Variants in APP observed in about 807,000 individuals in gnomAD.
The protein encoded by APP is amyloid beta precursor protein, also known as amyloid-beta precursor protein.
In APP, 31 loss-of-function variants were observed where a neutral mutation model predicts 101.4. The ratio of observed to expected loss-of-function variants is 0.31; its 90% confidence interval spans 0.23 to 0.41. APP has a LOEUF of 0.41. APP is among the 10% of genes least tolerant of loss of function. The probability of loss-of-function intolerance (pLI) is 1.00; values close to 1 mark genes in which losing one functional copy is unlikely to be tolerated. For missense variants in APP, 839 were observed against 1,003.7 expected (o/e 0.84, Z 2.22); for synonymous variants, 366 against 364.4 (o/e 1.00, Z -0.05).
In APP at chr21:25,911,802, G is replaced by A. The variant is rs764559840; in HGVS notation, c.1848C>T (p.Asp616=). 35 of 1,614,028 alleles carry A rather than the reference G, an allele frequency of 2.2e-5. No homozygotes were observed. Among genetic ancestry groups the A allele is most frequent in the African/African-American group, 2.1e-4 (16 of 74,896 alleles). ...CAAAAGAATGCCACGGCTGGAGATC[G>A]TCCAGGCTGAACTCTCCATTCACGG... ...LLPVNGEFSL[D]DLQPWHSFGA... The change falls in exon 14 of 18, where the codon GAC becomes GAT. Residue 616 remains aspartate (D), a synonymous_variant. Transcript: ENST00000346798.
intron 5 of APP, among the ~76,000 whole-genome samples, chr21:26,025,740 G>C (rs1452185243): frequency 1.3e-5 from 2 of 152,226 alleles, no homozygotes; most frequent in East Asian, 3.8e-4. Flanking sequence ...ACCAGGAACG[G>C]AGACACGTAA....
At chr21:25,994,768 C>T (rs2042990234) in intron 8 of APP, among the ~76,000 whole-genome samples, 1 of 152,236 alleles carries the variant, frequency 6.6e-6, no homozygotes, top group African/African-American at 2.4e-5. Context: ...AGCTCCTTTT[C>T]TCTGAATTGA....
chr21:25,927,781 C>T (rs2039964023), intron 13 of APP, among the ~76,000 whole-genome samples: 2 of 152,172 alleles, frequency 1.3e-5, no homozygotes, highest in East Asian at 3.9e-4. Flanking sequence ...CTGGCTTAGA[C>T]TGAGGGTACA....
At chr21:26,085,101 A>G (rs1055787783) in intron 3 of APP, among the ~76,000 whole-genome samples, 3 of 152,218 alleles carry the variant, frequency 2.0e-5, no homozygotes, top group Non-Finnish European at 4.4e-5. Flanking sequence ...TTGGGAGATA[A>G]ACACTGATAA....
intron 12 of APP, 82 bp from the exon 13 acceptor site, chr21:25,954,771 T>C (rs1370879356): frequency 7.0e-6 from 9 of 1,277,486 alleles, no homozygotes; most frequent in South Asian, 1.3e-5. Flanking sequence ...TCTTTTTTTT[T>C]TGAGACGGAG....
At chr21:25,981,647 T>A (rs2042432843) in intron 9 of APP, among the ~76,000 whole-genome samples, 1 of 150,432 alleles carries the variant, frequency 6.6e-6, no homozygotes, top group South Asian at 2.1e-4. Flanking sequence ...GTTTTAGACA[T>A]AAGTTATTTT....
intron 13 of APP, among the ~76,000 whole-genome samples, chr21:25,950,393 T>G (rs868421379): frequency 0.04 from 5,995 of 151,210 alleles, 385 homozygotes; most frequent in African/African-American, 0.14. Context: ...TTTTTTTTTT[T>G]TTTGGAGACG....
chr21:26,090,224 C>T (rs1882263853), intron 2 of APP, 152 bp from the exon 3 acceptor site: 1 of 1,216,208 alleles, frequency 8.2e-7, no homozygotes, highest in South Asian at 1.4e-5. Context: ...CTGACTTTTT[C>T]CGATTTTAGA....
intron 3 of APP, among the ~76,000 whole-genome samples, chr21:26,084,317 C>T (rs2061660458): frequency 6.8e-6 from 1 of 146,476 alleles, no homozygotes; most frequent in Non-Finnish European, 1.5e-5. Context: ...CGGCTCACGG[C>T]AAGCTCCGCC....
chr21:25,921,304 T>A, intron 13 of APP, among the ~76,000 whole-genome samples: 2 of 108,896 alleles, frequency 1.8e-5, no homozygotes, highest in African/African-American at 3.8e-5. Flanking sequence ...CACCCTAACA[T>A]CACAATTAAA....
At chr21:26,164,811 G>A (rs1056288419) in intron 1 of APP, among the ~76,000 whole-genome samples, 10 of 148,764 alleles carry the variant, frequency 6.7e-5, no homozygotes, top group Admixed American at 1.3e-4. Context: ...AGCCGAGATC[G>A]CGCCACTGCA....
intron 14 of APP, 142 bp downstream of exon 14, chr21:25,911,599 T>G (rs1003024935): frequency 1.6e-5 from 11 of 700,140 alleles, no homozygotes; most frequent in Admixed American, 7.8e-5. Flanking sequence ...TAAAGTAAAA[T>G]TATAATGAAA....
intron 8 of APP, among the ~76,000 whole-genome samples, chr21:25,987,511 T>C (rs2042683579): frequency 6.6e-6 from 1 of 152,238 alleles, no homozygotes; most frequent in Non-Finnish European, 1.5e-5. Context: ...TGGTAGGATA[T>C]ATAGGCTATT....
chr21:25,981,234 C>T (rs141158455), intron 9 of APP, among the ~76,000 whole-genome samples: 19 of 152,226 alleles, frequency 1.2e-4, no homozygotes, highest in African/African-American at 4.3e-4. Context: ...TAAAGACTGA[C>T]TGTGATCTTA....
At chr21:26,036,741 T>C (rs2045128958) in intron 5 of APP, among the ~76,000 whole-genome samples, 1 of 152,132 alleles carries the variant, frequency 6.6e-6, no homozygotes. Context: ...GTAAAAAAGC[T>C]CTGTTCTAGT....
chr21:26,098,340 A>T (rs2061991680), intron 2 of APP, among the ~76,000 whole-genome samples: 1 of 151,984 alleles, frequency 6.6e-6, no homozygotes, highest in Non-Finnish European at 1.5e-5. Flanking sequence ...TATCTCTCCA[A>T]GTTGGAAATA....
intron 1 of APP, among the ~76,000 whole-genome samples, chr21:26,145,954 T>G (rs1007408997): frequency 6.6e-6 from 1 of 152,208 alleles, no homozygotes; most frequent in Non-Finnish European, 1.5e-5. Context: ...AATAATGCTC[T>G]CATAATATCC....
intron 1 of APP, among the ~76,000 whole-genome samples, chr21:26,135,094 C>T (rs1258324293): frequency 2.1e-4 from 32 of 152,232 alleles, no homozygotes; most frequent in Admixed American, 2.1e-3. Flanking sequence ...TGTCCTCACA[C>T]TATTCTTAGT....
At chr21:26,115,858 T>C (rs1267524478) in intron 1 of APP, among the ~76,000 whole-genome samples, 2 of 152,194 alleles carry the variant, frequency 1.3e-5, no homozygotes, top group East Asian at 3.8e-4. Context: ...AGAAAAGAAA[T>C]ATAAATACCT....
Sources: allele counts gnomAD v4.1 joint callset (sites outside exome capture counted in the v4.1 genomes callset), GRCh38; gene constraint gnomAD v4.1.1; transcripts MANE v1.5; gene names NCBI Gene and HGNC (gene_info 2026-07-23, HGNC 2026-07-21).